PCDHA5: variants seen among roughly 807,000 people sequenced by gnomAD.
The protein encoded by PCDHA5 is protocadherin alpha-5.
A neutral mutation model predicts 61.6 loss-of-function variants in PCDHA5; 43 were observed. The ratio of observed to expected loss-of-function variants is 0.70; its 90% CI spans 0.55 to 0.90. The LOEUF (loss-of-function observed/expected upper bound fraction) is 0.90, where lower values mean the gene tolerates loss of function less well. Ranked by LOEUF, PCDHA5 falls within the 40% of genes least tolerant of loss-of-function variation. The probability of loss-of-function intolerance (pLI) is 0.00; values close to 1 mark genes in which losing one functional copy is unlikely to be tolerated. For synonymous variants in PCDHA5, 627 were observed against 543.9 expected, an observed-to-expected ratio of 1.15 and a Z score of -2.13; for missense variants, 1,298 against 1,222.7, an observed-to-expected ratio of 1.06 and a Z score of -0.92.
intron 1 of PCDHA5, among the ~76,000 whole-genome samples, chr5:140,901,940 T>A (rs1444811552): frequency 6.6e-6 from 1 of 152,172 alleles, no homozygotes; most frequent in Non-Finnish European, 1.5e-5. Context: ...CCTAGGTATA[T>A]TTAGTTTTAT....
chr5:140,947,778 G>A (rs2094175732), intron 1 of PCDHA5, among the ~76,000 whole-genome samples: 2 of 151,456 alleles, frequency 1.3e-5, no homozygotes, highest in South Asian at 4.1e-4. Context: ...TATTGTAAAT[G>A]GATTTTAAAC....
chr5:140,823,412 G>A lies in PCDHA5; in HGVS notation c.1637G>A (p.Ser546Asn). Residue 546 changes from serine (S) to asparagine (N), a missense_variant, in exon 1 of 4, where the codon AGC becomes AAC. Transcript: ENST00000529859. ...ARDAGVPPLG[S>N]NVTLQVFVLD... ...GACGCGGGCGTGCCGCCTCTGGGCA[G>A]CAACGTGACGCTGCAGGTGTTCGTG... 1.2e-6 allele frequency: 2 copies of A among 1,613,222 alleles called. No individual in the cohort carries two copies.
chr5:140,948,937 T>C (rs1309849094), intron 1 of PCDHA5, among the ~76,000 whole-genome samples: 1 of 134,978 alleles, frequency 7.4e-6, no homozygotes, highest in African/African-American at 2.6e-5. Context: ...ACATTTCTTC[T>C]AATATAAAAA....
chr5:140,855,215 A>G (rs1201048316), intron 1 of PCDHA5, among the ~76,000 whole-genome samples: 8 of 150,030 alleles, frequency 5.3e-5, no homozygotes, highest in East Asian at 1.9e-4. Context: ...CCATTTATGA[A>G]GCACTCATTC....
chr5:140,838,125 T>C (rs1775553938), intron 1 of PCDHA5, among the ~76,000 whole-genome samples: 1 of 145,318 alleles, frequency 6.9e-6, no homozygotes, highest in Non-Finnish European at 1.5e-5. Flanking sequence ...TGTGTGTGTG[T>C]GTGTGTTTGA....
At chr5:140,837,219 T>A (rs935838463) in intron 1 of PCDHA5, 1 of 152,352 alleles carries the variant, frequency 6.6e-6, no homozygotes, top group African/African-American at 2.4e-5. Context: ...ACTTGAATTT[T>A]AAGCATTTCT....
At chr5:140,870,465 C>T (rs781918898) in intron 1 of PCDHA5, 1 of 1,614,208 alleles carries the variant, frequency 6.2e-7, no homozygotes, top group Non-Finnish European at 8.5e-7. Context: ...CGCCTGCGTT[C>T]GCACAGCCCG....
chr5:140,932,351 A>C (rs1401387848), intron 1 of PCDHA5, among the ~76,000 whole-genome samples: 1 of 151,920 alleles, frequency 6.6e-6, no homozygotes, highest in Non-Finnish European at 1.5e-5. Flanking sequence ...TTACCATACA[A>C]CTGGCCTTAT....
intron 3 of PCDHA5, among the ~76,000 whole-genome samples, chr5:140,995,470 T>C (rs543327839): frequency 5.6e-4 from 86 of 152,360 alleles, no homozygotes; most frequent in Middle Eastern, 3.4e-3. Flanking sequence ...TTGAAATTTT[T>C]CATTTAATAT....
chr5:140,865,091 A>G (rs1010954942), intron 1 of PCDHA5: 3 of 152,218 alleles, frequency 2.0e-5, no homozygotes, highest in Non-Finnish European at 4.4e-5. Context: ...GATATTAATA[A>G]AGGCACTTCC....
At position 140,859,292 on chromosome 5, in the gene PCDHA5, CT is replaced by C. The variant is rs1226140670; in HGVS notation, c.2352+35168del. 1.3e-3 allele frequency: 281 copies of C among 215,310 alleles called. 12 individuals are homozygous for C. Among genetic ancestry groups the C allele is most frequent in the African/African-American group, 6.4e-3 (274 of 42,824 alleles). 13.3% of individuals were successfully genotyped at this position (215,310 alleles called of 1,614,324 possible). A position where few individuals can be genotyped will look rare whatever the true frequency, so the allele number is the denominator to read the frequency against. ...CTTTTTACTTTTGAGACTGAAAATA[CT>C]TTAGTATGAATTAATATTAAAAGTT... On this transcript the variant is annotated intron_variant, in intron 1 of 3. Transcript: ENST00000529859.
rs113016935 is a variant in PCDHA5, at chr5:140,822,397, C to T, written c.622C>T (p.Arg208Cys). 2 of 1,613,862 alleles carry T rather than the reference C, an allele frequency of 1.2e-6. No homozygotes were observed. The highest frequency in any genetic ancestry group is 2.7e-5 in the African/African-American group (2 of 74,904). Residue 208 changes from arginine (R) to cysteine (C), a missense_variant, in exon 1 of 4, where the codon CGT becomes TGT. Arg to Cys is a radical substitution (Grantham distance 180, BLOSUM62 -3). Transcript: ENST00000529859. The stretch of plus-strand genomic sequence containing the variant: ...AGATAGAGAAGAAACACAAGAACAC[C>T]GTTTATTAGTGATTGCAACTGATGG... ...SLDREETQEH[R>C]LLVIATDGGK...
At chr5:140,875,769 C>A (rs782227729) in intron 1 of PCDHA5, 1 of 1,614,224 alleles carries the variant, frequency 6.2e-7, no homozygotes, top group South Asian at 1.1e-5. Context: ...GCGGGCGGAG[C>A]GCGGAGTGCA....
intron 2 of PCDHA5, among the ~76,000 whole-genome samples, chr5:140,981,681 C>T (rs1187108666): frequency 6.6e-6 from 1 of 152,064 alleles, no homozygotes; most frequent in Non-Finnish European, 1.5e-5. Context: ...TTCCTTCCTC[C>T]CTTCCATCAT....
intron 1 of PCDHA5, among the ~76,000 whole-genome samples, chr5:140,936,136 G>A (rs1393112473): frequency 2.0e-5 from 3 of 152,184 alleles, no homozygotes; most frequent in Admixed American, 1.3e-4. Context: ...TAAGTGATCT[G>A]CCCGCCTTGG....
rs367738406 is a variant in PCDHA5 at position 140,823,634 on chromosome 5, C to A, written c.1859C>A (p.Pro620Gln). ...CCAGCGCCTGGCAGTGCGCGCATCC[C>A]GTTCCGCGTGGGGCTGTACACAGGC... ...LQPAPGSARI[P>Q]FRVGLYTGEI... The change falls in exon 1 of 4, where the codon CCG (proline) becomes CAG (glutamine). Residue 620 changes from proline (P) to glutamine (Q), a missense_variant. Pro to Gln is a moderately conservative substitution (Grantham distance 76). Coordinates refer to ENST00000529859, the MANE Select transcript of PCDHA5 (RefSeq NM_018908.3). The A allele has an allele frequency of 1.2e-6, 2 of 1,613,942 alleles. No individual in the cohort carries two copies. The highest frequency in any genetic ancestry group is 2.7e-5 in the African/African-American group (2 of 74,950).
intron 1 of PCDHA5, chr5:140,829,659 T>C: frequency 6.2e-7 from 1 of 1,612,676 alleles, no homozygotes. Flanking sequence ...CTGCAGCCGC[T>C]GGACCACGAG....
In PCDHA5 at chr5:140,822,546, G is replaced by T. The variant is rs1474928230; in HGVS notation, c.771G>T (p.Gly257=). 1 of 1,613,608 alleles carries T rather than the reference G, an allele frequency of 6.2e-7. No homozygotes were observed. The highest frequency in any genetic ancestry group is 8.5e-7 in the Non-Finnish European group (1 of 1,179,816). ...NVRLLENAPS[G]TLVIKLNASD... is the part of the protein sequence containing the mutation. ...GATTGTTGGAAAATGCACCAAGTGG[G>T]ACATTAGTTATTAAACTGAACGCCT... Residue 257 remains glycine (G), a synonymous_variant, in exon 1 of 4, where the codon GGG becomes GGT. Coordinates refer to ENST00000529859, the MANE Select transcript of PCDHA5 (RefSeq NM_018908.3).
chr5:140,873,878 C>T (rs926010571), intron 1 of PCDHA5, among the ~76,000 whole-genome samples: 2 of 152,196 alleles, frequency 1.3e-5, no homozygotes, highest in African/African-American at 4.8e-5. Context: ...CCAGGCTGGT[C>T]TTGAACTCCT....
Sources: gnomAD v4.1 joint callset for allele counts (sites outside exome capture counted in the v4.1 genomes callset) on GRCh38, gnomAD v4.1.1 for gene constraint, MANE v1.5 for transcripts, NCBI Gene and HGNC (gene_info 2026-07-23, HGNC 2026-07-21) for gene names.